The following PRIM2 variants were observed in gnomAD, a reference collection of about 807,000 sequenced individuals.
The protein encoded by PRIM2 is DNA primase subunit 2.
A neutral mutation model predicts 67.3 loss-of-function variants in PRIM2; 39 were observed. That is an observed-to-expected ratio of 0.58 (90% CI 0.45 to 0.76). The LOEUF is 0.76. PRIM2 is among the 30% of genes least tolerant of loss of function. The pLI, the probability that PRIM2 is intolerant of heterozygous loss-of-function variation, is 0.00. For missense variants in PRIM2, 398 were observed against 598.7 expected, an observed-to-expected ratio of 0.66 and a Z score of 3.50; for synonymous variants, 143 against 198.7, an observed-to-expected ratio of 0.72 and a Z score of 2.36.
the PRIM2 span, among the ~76,000 whole-genome samples, chr6:57,287,382 G>A: frequency 2.0e-5 from 3 of 152,248 alleles, no homozygotes; most frequent in East Asian, 5.8e-4. Context: ...ATGACAGAGT[G>A]GATAAAGAAA....
At chr6:57,289,621 A>G in the PRIM2 span, among the ~76,000 whole-genome samples, 9 of 152,350 alleles carry the variant, frequency 5.9e-5, no homozygotes, top group African/African-American at 1.9e-4. Flanking sequence ...CAGAAACCCC[A>G]CAAGCCAGAA....
intron 10 of PRIM2, among the ~76,000 whole-genome samples, chr6:57,585,506 A>C (rs1185370001): frequency 6.6e-6 from 1 of 152,170 alleles, no homozygotes; most frequent in Non-Finnish European, 1.5e-5. Flanking sequence ...AGATGAAAGA[A>C]ACTTAAGGAG....
intron 7 of PRIM2, among the ~76,000 whole-genome samples, chr6:57,499,790 A>G (rs1419106380): frequency 6.6e-6 from 1 of 152,184 alleles, no homozygotes; most frequent in Non-Finnish European, 1.5e-5. Context: ...CTACAGAATG[A>G]ACCCTCAACA....
chr6:57,624,958 AG>A (rs1776922761), intron 12 of PRIM2, among the ~76,000 whole-genome samples: 2 of 152,202 alleles, frequency 1.3e-5, no homozygotes, highest in Admixed American at 1.3e-4. Flanking sequence ...AGAGACAATG[AG>A]ATCCAAGTGA....
In PRIM2 at chr6:57,515,784, T is replaced by C. The variant is rs1303778327; in HGVS notation, c.761+8330T>C. 6.8e-4 allele frequency among the ~76,000 whole-genome samples: 103 copies of C among 152,328 alleles called. 2 individuals carry two copies. In the East Asian group the frequency reaches 0.019, roughly 28 times the overall value. On this transcript the variant is annotated intron_variant, in intron 8 of 13. Coordinates refer to ENST00000615550, the MANE Select transcript of PRIM2 (RefSeq NM_000947.5). ...ATCTTAACAAATGCCACACATTTAG[T>C]GGATTAAAACAATCCCCATTTATTA...
At chr6:57,286,340 C>T in the PRIM2 span, among the ~76,000 whole-genome samples, 1 of 152,172 alleles carries the variant, frequency 6.6e-6, no homozygotes, top group African/African-American at 2.4e-5. Flanking sequence ...AGGCATCATG[C>T]TACCTGACTT....
chr6:57,255,795 T>A, the PRIM2 span, among the ~76,000 whole-genome samples: 1 of 152,126 alleles, frequency 6.6e-6, no homozygotes, highest in Non-Finnish European at 1.5e-5. Context: ...GATACAAATA[T>A]GAATAAGACA....
chr6:57,470,060 T>A (rs1773298366), intron 7 of PRIM2, among the ~76,000 whole-genome samples: 2 of 152,170 alleles, frequency 1.3e-5, no homozygotes, highest in Non-Finnish European at 2.9e-5. Context: ...CATTTTAACT[T>A]AAGTTCACCT....
intron 10 of PRIM2, among the ~76,000 whole-genome samples, chr6:57,544,516 G>T (rs1775246125): frequency 6.6e-6 from 1 of 152,126 alleles, no homozygotes; most frequent in East Asian, 1.9e-4. Context: ...TCCTATATAT[G>T]TAAAAATTAG....
At chr6:57,472,951 C>A (rs1773374537) in intron 7 of PRIM2, among the ~76,000 whole-genome samples, 1 of 152,180 alleles carries the variant, frequency 6.6e-6, no homozygotes, top group African/African-American at 2.4e-5. Flanking sequence ...CAGGAGGCCA[C>A]TTTTCGTTGA....
chr6:57,578,824 C>G (rs1211789282), intron 10 of PRIM2, among the ~76,000 whole-genome samples: 1 of 151,414 alleles, frequency 6.6e-6, no homozygotes, highest in Non-Finnish European at 1.5e-5. Context: ...CTACAGGCGC[C>G]CGCTACCACG....
At chr6:57,445,487 TTAC>T (rs1772335448) in intron 7 of PRIM2, among the ~76,000 whole-genome samples, 1 of 152,164 alleles carries the variant, frequency 6.6e-6, no homozygotes, top group Non-Finnish European at 1.5e-5. Flanking sequence ...GACCTCCCAA[TTAC>T]ACTGCTATCT....
chr6:57,257,026 A>G, the PRIM2 span, among the ~76,000 whole-genome samples: 2 of 152,170 alleles, frequency 1.3e-5, no homozygotes, highest in African/African-American at 4.8e-5. Flanking sequence ...ATTCTGACAG[A>G]TATCACATAG....
chr6:57,360,999 G>C (rs1769180154), intron 5 of PRIM2, among the ~76,000 whole-genome samples: 1 of 152,134 alleles, frequency 6.6e-6, no homozygotes, highest in African/African-American at 2.4e-5. Flanking sequence ...AGGTAGGGTA[G>C]GAGAACAGGC....
rs1426071389 is a variant in PRIM2, at chr6:57,475,846, C to T, written c.694-31541C>T. Among the ~76,000 whole-genome samples the T allele has an allele frequency of 1.3e-3, 192 of 152,296 alleles. 5 individuals carry two copies. The East Asian group carries it at 0.016, about 13-fold the overall frequency. ...ATATACAAACGTAAGAGACATGGCA[C>T]GTTTCCTTAAAGAACTTAGGATCCT... is the stretch of plus-strand genomic sequence containing the variant. On this transcript the variant is annotated intron_variant, in intron 7 of 13. Coordinates refer to ENST00000615550, the MANE Select transcript of PRIM2 (RefSeq NM_000947.5).
At chr6:57,596,377 A>G (rs1207371654) in intron 10 of PRIM2, among the ~76,000 whole-genome samples, 1 of 152,130 alleles carries the variant, frequency 6.6e-6, no homozygotes, top group Non-Finnish European at 1.5e-5. Context: ...AATACTTTAT[A>G]CTGTATGATT....
chr6:57,606,764 T>G (rs1356132030), intron 12 of PRIM2, among the ~76,000 whole-genome samples: 7 of 152,194 alleles, frequency 4.6e-5, no homozygotes, highest in Non-Finnish European at 1.0e-4. Context: ...AAATAAAATT[T>G]TTGAGCAATG....
At chr6:57,294,262 A>C in the PRIM2 span, among the ~76,000 whole-genome samples, 2 of 152,040 alleles carry the variant, frequency 1.3e-5, no homozygotes, top group Non-Finnish European at 2.9e-5. Flanking sequence ...GGTGGATCAC[A>C]TGAGGCCAGG....
At position 57,642,435 on chromosome 6, in the gene PRIM2, CTTTT is replaced by C. The variant is rs1156576933; in HGVS notation, c.1300-3471_1300-3468del. On this transcript the variant is annotated intron_variant, in intron 13 of 13. Coordinates refer to ENST00000615550, the MANE Select transcript of PRIM2 (RefSeq NM_000947.5). ...TATGCACATACCTTAAATATTATAT[CTTTT>C]TTTTTTTTTTTTTTTTTTTTTGAGA... 4.0e-4 allele frequency among the ~76,000 whole-genome samples: 33 copies of C among 83,182 alleles called. 1 individual carries two copies. Among genetic ancestry groups the C allele is most frequent in the African/African-American group, 1.2e-3 (22 of 18,798 alleles). 54.6% of individuals were successfully genotyped at this position (83,182 alleles called of 152,430 possible). A position where few individuals can be genotyped will look rare whatever the true frequency, so the allele number is the denominator to read the frequency against.
Sources: gnomAD v4.1 joint callset for allele counts (sites outside exome capture counted in the v4.1 genomes callset) on GRCh38, gnomAD v4.1.1 for gene constraint, MANE v1.5 for transcripts, NCBI Gene and HGNC (gene_info 2026-07-23, HGNC 2026-07-21) for gene names.